SAMMSON: variants seen among roughly 807,000 people sequenced by gnomAD.
SAMMSON encodes long intergenic non-protein coding RNA 1212.
At chr3:70,205,900 A>T (rs570029338) in intron 4 of SAMMSON, 6 of 152,194 alleles carry the variant, frequency 3.9e-5, no homozygotes, top group African/African-American at 1.4e-4. Context: ...TTGCAAAGTT[A>T]ACCTAAGTAA....
chr3:70,417,249 G>A (rs776777104), intron 2 of SAMMSON, among the ~76,000 whole-genome samples: 3 of 152,090 alleles, frequency 2.0e-5, no homozygotes, highest in Non-Finnish European at 4.4e-5. Flanking sequence ...GCCTAGAACC[G>A]TCATCAGTCA....
At chr3:70,377,290 G>A (rs1416797551) in intron 9 of SAMMSON, among the ~76,000 whole-genome samples, 1 of 152,014 alleles carries the variant, frequency 6.6e-6, no homozygotes, top group Non-Finnish European at 1.5e-5. Context: ...GAAATAATAA[G>A]GTATTAACAT....
intron 4 of SAMMSON, among the ~76,000 whole-genome samples, chr3:70,142,206 T>G (rs2067530314): frequency 6.6e-6 from 1 of 152,056 alleles, no homozygotes; most frequent in African/African-American, 2.4e-5. Context: ...AAAGAAGTCA[T>G]TATACGAAAA....
chr3:70,149,269 CT>C (rs2067561938), intron 4 of SAMMSON, among the ~76,000 whole-genome samples: 1 of 152,010 alleles, frequency 6.6e-6, no homozygotes, highest in African/African-American at 2.4e-5. Flanking sequence ...CAGACAATTC[CT>C]TAAGCTTCTC....
intron 4 of SAMMSON, among the ~76,000 whole-genome samples, chr3:70,079,280 C>T (rs936044021): frequency 4.6e-5 from 7 of 152,142 alleles, no homozygotes; most frequent in African/African-American, 1.7e-4. Context: ...CTTCTTAACT[C>T]TAGGTCCATT....
chr3:70,379,935 G>A (rs1703051620), intron 9 of SAMMSON, among the ~76,000 whole-genome samples: 5 of 152,054 alleles, frequency 3.3e-5, no homozygotes, highest in Admixed American at 3.3e-4. Context: ...TTAAAAAAGG[G>A]AATAAGGCAA....
chr3:70,077,013 A>G (rs2067250314), intron 4 of SAMMSON, among the ~76,000 whole-genome samples: 1 of 152,178 alleles, frequency 6.6e-6, no homozygotes, highest in Non-Finnish European at 1.5e-5. Flanking sequence ...TGCATTTTGT[A>G]CATTACAGCT....
At chr3:70,153,380 T>C (rs768652198) in intron 4 of SAMMSON, among the ~76,000 whole-genome samples, 163 of 152,128 alleles carry the variant, frequency 1.1e-3, no homozygotes, top group Non-Finnish European at 1.5e-3. Flanking sequence ...GATTTTCTGT[T>C]TGGGGGAACC....
intron 8 of SAMMSON, among the ~76,000 whole-genome samples, chr3:70,355,757 T>C (rs73108507): frequency 0.031 from 4,737 of 152,262 alleles, 84 homozygotes; most frequent in Middle Eastern, 0.078. Flanking sequence ...AAGTATCCAC[T>C]GAACACTCAG....
At chr3:70,158,610 G>A (rs920915191) in intron 4 of SAMMSON, among the ~76,000 whole-genome samples, 6 of 151,684 alleles carry the variant, frequency 4.0e-5, no homozygotes, top group Admixed American at 6.6e-5. Flanking sequence ...TTTAGTAAAA[G>A]CATGGGAAAT....
chr3:70,009,771 C>T (rs936424428), intron 1 of SAMMSON, among the ~76,000 whole-genome samples: 1 of 150,452 alleles, frequency 6.6e-6, no homozygotes, highest in African/African-American at 2.5e-5. Context: ...CTTTTGTGGG[C>T]ATTTAGTGCT....
chr3:70,134,524 A>G (rs1427279643), intron 4 of SAMMSON, among the ~76,000 whole-genome samples: 4 of 152,178 alleles, frequency 2.6e-5, no homozygotes, highest in African/African-American at 9.6e-5. Context: ...TACTGAAAGT[A>G]GCAAACAAAT....
intron 4 of SAMMSON, among the ~76,000 whole-genome samples, chr3:70,097,578 T>G (rs2067327233): frequency 6.6e-6 from 1 of 152,210 alleles, no homozygotes; most frequent in Admixed American, 6.5e-5. Flanking sequence ...TGGCAGATGT[T>G]GGGTGCCAAG....
At chr3:70,156,713 C>G (rs2067593427) in intron 4 of SAMMSON, among the ~76,000 whole-genome samples, 1 of 152,044 alleles carries the variant, frequency 6.6e-6, no homozygotes, top group East Asian at 1.9e-4. Context: ...ATTTTGATGT[C>G]TAAACTTCTG....
intron 4 of SAMMSON, among the ~76,000 whole-genome samples, chr3:70,121,163 C>T (rs2067431640): frequency 6.6e-6 from 1 of 152,118 alleles, no homozygotes; most frequent in African/African-American, 2.4e-5. Flanking sequence ...ACTGCTGATC[C>T]GACAGGAGGC....
At chr3:70,080,198 C>G (rs1324403954) in intron 4 of SAMMSON, among the ~76,000 whole-genome samples, 1 of 152,210 alleles carries the variant, frequency 6.6e-6, no homozygotes, top group Non-Finnish European at 1.5e-5. Flanking sequence ...ACTGTCAGGC[C>G]AAACGAGTTG....
At chr3:70,285,744 G>A (rs1341960353) in intron 6 of SAMMSON, among the ~76,000 whole-genome samples, 1 of 151,624 alleles carries the variant, frequency 6.6e-6, no homozygotes, top group Non-Finnish European at 1.5e-5. Flanking sequence ...TTTAATGATT[G>A]CCATTCTAAC....
chr3:70,066,826 G>A (rs913097351), intron 3 of SAMMSON, among the ~76,000 whole-genome samples: 4 of 152,024 alleles, frequency 2.6e-5, no homozygotes, highest in Admixed American at 6.6e-5. Flanking sequence ...ATCCTGGCAC[G>A]AAGAAAACCT....
intron 8 of SAMMSON, chr3:70,358,171 T>G (rs1702843999): frequency 6.6e-6 from 1 of 152,206 alleles, no homozygotes. Context: ...GTAATACGTA[T>G]TTGAAACTTA....
Sources: allele counts gnomAD v4.1 joint callset (sites outside exome capture counted in the v4.1 genomes callset), GRCh38; gene constraint gnomAD v4.1.1; transcripts MANE v1.5; gene names NCBI Gene and HGNC (gene_info 2026-07-23, HGNC 2026-07-21).